The following FRAS1 variants were observed in gnomAD, a reference collection of about 807,000 sequenced individuals.
FRAS1 encodes Fraser extracellular matrix complex subunit 1, also known as extracellular matrix organizing protein FRAS1.
A neutral mutation model predicts 435.2 loss-of-function variants in FRAS1; 290 were observed. That is an observed-to-expected ratio of 0.67 (90% CI 0.61 to 0.73). FRAS1 has a LOEUF of 0.73. FRAS1 is among the 30% of genes least tolerant of loss of function. The probability of loss-of-function intolerance (pLI) is 0.00; values close to 1 mark genes in which losing one functional copy is unlikely to be tolerated. For missense variants in FRAS1, 4,860 were observed against 5,001.5 expected, an observed-to-expected ratio of 0.97 and a Z score of 0.85; for synonymous variants, 1,800 against 1,851.0, an observed-to-expected ratio of 0.97 and a Z score of 0.71.
At chr4:78,437,560 G>C (rs1177968399) in intron 38 of FRAS1, among the ~76,000 whole-genome samples, 1 of 152,184 alleles carries the variant, frequency 6.6e-6, no homozygotes, top group Non-Finnish European at 1.5e-5. Context: ...TACTAACTTT[G>C]ATAGGTCTCT....
At chr4:78,170,334 C>CT (rs753145225) in intron 2 of FRAS1, among the ~76,000 whole-genome samples, 26 of 152,104 alleles carry the variant, frequency 1.7e-4, no homozygotes, top group Non-Finnish European at 3.5e-4. Context: ...TAAATCTTTG[C>CT]TAAATGAATG....
chr4:78,083,639 T>C (rs2109880727), intron 2 of FRAS1, among the ~76,000 whole-genome samples: 1 of 150,982 alleles, frequency 6.6e-6, no homozygotes, highest in Admixed American at 6.6e-5. Flanking sequence ...TTTTTTTTTT[T>C]TTTTTTGCAA....
chr4:78,363,400 C>T, intron 20 of FRAS1, 113 bp from the exon 21 acceptor site: 1 of 1,063,158 alleles, frequency 9.4e-7, no homozygotes, highest in Non-Finnish European at 1.3e-6. Context: ...GGCTACTCTC[C>T]AGCTGTCAGC....
intron 2 of FRAS1, among the ~76,000 whole-genome samples, chr4:78,118,149 T>A (rs1718767473): frequency 6.6e-6 from 1 of 152,188 alleles, no homozygotes; most frequent in African/African-American, 2.4e-5. Context: ...ACAGCAGATA[T>A]TGGTGAACAG....
chr4:78,519,400 G>A lies in FRAS1; in HGVS notation c.10459G>A (p.Ala3487Thr). Reference sequence around the variant, plus strand: ...ATATGTGTCCTACATCTATGTGACAGCCCCCAGGGGCTGGGCCTCCTTGGA... The same window carrying A: ...ATATGTGTCCTACATCTATGTGACAACCCCCAGGGGCTGGGCCTCCTTGGA... The part of the protein sequence containing the change: ...PLYVSYIYVT[A>T]PRGWASLEHH... The change falls in exon 67 of 74, where the codon GCC becomes ACC. Residue 3487 changes from alanine (A) to threonine (T), a missense_variant. By Grantham distance (58) the Ala-to-Thr change is moderately conservative. Transcript: ENST00000512123. The A allele has an allele frequency of 2.5e-6, 4 of 1,610,252 alleles. No homozygotes were observed. Among genetic ancestry groups the A allele is most frequent in the Non-Finnish European group, 3.4e-6 (4 of 1,178,508 alleles).
intron 20 of FRAS1, among the ~76,000 whole-genome samples, chr4:78,363,129 G>C (rs976179440): frequency 6.6e-6 from 1 of 152,258 alleles, no homozygotes; most frequent in African/African-American, 2.4e-5. Context: ...TACCGTGAAG[G>C]GGTTGGGGGA....
At chr4:78,271,171 A>G (rs1726657896) in intron 9 of FRAS1, among the ~76,000 whole-genome samples, 1 of 152,192 alleles carries the variant, frequency 6.6e-6, no homozygotes, top group South Asian at 2.1e-4. Flanking sequence ...TATTCTGTTT[A>G]TGCAAATTTA....
At chr4:78,087,596 T>C (rs1456528990) in intron 2 of FRAS1, among the ~76,000 whole-genome samples, 1 of 152,142 alleles carries the variant, frequency 6.6e-6, no homozygotes, top group Non-Finnish European at 1.5e-5. Flanking sequence ...ACAAAACCAA[T>C]GTACAAAAAT....
At chr4:78,475,417 T>C in intron 53 of FRAS1, 21 bp from the exon 54 acceptor site, 1 of 1,613,782 alleles carries the variant, frequency 6.2e-7, no homozygotes, top group Non-Finnish European at 8.5e-7. Flanking sequence ...GTTTAAGAGA[T>C]GCCTTTTTGT....
chr4:78,336,577 C>T (rs979547044), intron 19 of FRAS1, among the ~76,000 whole-genome samples: 1 of 151,750 alleles, frequency 6.6e-6, no homozygotes, highest in African/African-American at 2.4e-5. Flanking sequence ...TTGAGAGCCT[C>T]AGGAATGTAG....
chr4:78,359,857 A>G (rs1731007836), intron 20 of FRAS1, among the ~76,000 whole-genome samples: 1 of 152,068 alleles, frequency 6.6e-6, no homozygotes, highest in African/African-American at 2.4e-5. Context: ...GACTCTGGGC[A>G]CTCACTCCAT....
intron 29 of FRAS1, among the ~76,000 whole-genome samples, chr4:78,388,084 G>A (rs1007162796): frequency 6.6e-6 from 1 of 152,140 alleles, no homozygotes; most frequent in African/African-American, 2.4e-5. Flanking sequence ...CCAGCACTTT[G>A]GGAGGCTGAG....
intron 18 of FRAS1, among the ~76,000 whole-genome samples, chr4:78,329,370 C>T (rs1048474186): frequency 6.6e-6 from 1 of 152,186 alleles, no homozygotes; most frequent in African/African-American, 2.4e-5. Context: ...TAATGAAGTG[C>T]TACAGCGAAT....
chr4:78,463,044 A>G (rs779246301), intron 47 of FRAS1, among the ~76,000 whole-genome samples: 10 of 152,212 alleles, frequency 6.6e-5, no homozygotes, highest in Non-Finnish European at 1.2e-4. Flanking sequence ...AAAGGACTAG[A>G]TTAAATGGAT....
At chr4:78,165,549 C>T (rs2867009) in intron 2 of FRAS1, among the ~76,000 whole-genome samples, 9,207 of 152,222 alleles carry the variant, frequency 0.06, 354 homozygotes, top group Admixed American at 0.09. Flanking sequence ...TAGTAATTTT[C>T]GTGTAACCGA....
At chr4:78,438,875 CATTT>C in intron 39 of FRAS1, 23 bp from the exon 40 acceptor site, 7 of 1,585,042 alleles carry the variant, frequency 4.4e-6, no homozygotes, top group Middle Eastern at 1.7e-4. Context: ...GTGGCTTATT[CATTT>C]GATTCTTTTT....
chr4:78,147,050 C>A (rs1476895086), intron 2 of FRAS1, among the ~76,000 whole-genome samples: 2 of 152,096 alleles, frequency 1.3e-5, no homozygotes, highest in Non-Finnish European at 2.9e-5. Flanking sequence ...AGCAGTTATC[C>A]AAAACCCTGC....
chr4:78,231,716 A>G (rs1560593042), intron 2 of FRAS1, among the ~76,000 whole-genome samples: 1 of 151,988 alleles, frequency 6.6e-6, no homozygotes, highest in Non-Finnish European at 1.5e-5. Flanking sequence ...AGATATATTT[A>G]TTGTTTATTA....
chr4:78,384,239 AT>A lies in FRAS1; in HGVS notation c.3648+98del, dbSNP rs1240699707. The A allele has an allele frequency of 1.7e-5, 15 of 895,536 alleles. No homozygotes were observed. The African/African-American group carries it at 2.6e-4, about 15-fold the overall frequency. The allele number at this position is 895,536 out of a possible 1,614,324, so 55.5% of individuals were successfully genotyped here. ...CTGTGGATTTAATGAAAATTATTGCATTAAATTAATCTAGTCTTGGTTTCCT... is the reference window on the plus strand; with the variant it reads ...CTGTGGATTTAATGAAAATTATTGCATAAATTAATCTAGTCTTGGTTTCCT... On this transcript the variant is annotated intron_variant, in intron 28 of 73. Transcript: ENST00000512123.
Sources: allele counts gnomAD v4.1 joint callset (sites outside exome capture counted in the v4.1 genomes callset), GRCh38; gene constraint gnomAD v4.1.1; transcripts MANE v1.5; gene names NCBI Gene and HGNC (gene_info 2026-07-23, HGNC 2026-07-21).